Variants in CNTN4 observed in about 807,000 individuals in gnomAD.
CNTN4 encodes contactin-4.
In CNTN4, 77 loss-of-function variants were observed where a neutral mutation model predicts 122.5. That is an observed-to-expected ratio of 0.63 (90% CI 0.52 to 0.76). The LOEUF (loss-of-function observed/expected upper bound fraction) is 0.76, where lower values mean the gene tolerates loss of function less well. Among genes scored for constraint, CNTN4 ranks in the 30% least tolerant of loss-of-function variants. The pLI is 0.00. For synonymous variants in CNTN4, 512 were observed against 447.0 expected, an observed-to-expected ratio of 1.15 and a Z score of -1.83; for missense variants, 1,256 against 1,259.1, an observed-to-expected ratio of 1.00 and a Z score of 0.04.
At chr3:2,718,951 A>C (rs2087667613) in intron 4 of CNTN4, among the ~76,000 whole-genome samples, 3 of 152,302 alleles carry the variant, frequency 2.0e-5, no homozygotes, top group South Asian at 4.1e-4. Context: ...AGCCCCTGAA[A>C]TTGCATGTAC....
chr3:2,302,344 C>T (rs917103258), intron 2 of CNTN4, among the ~76,000 whole-genome samples: 61 of 152,296 alleles, frequency 4.0e-4, no homozygotes, highest in Non-Finnish European at 1.5e-4. Flanking sequence ...AGGAGAATCA[C>T]TTGAACCCAG....
chr3:2,547,463 G>A (rs1212472469), intron 3 of CNTN4, among the ~76,000 whole-genome samples: 2 of 151,794 alleles, frequency 1.3e-5, no homozygotes, highest in South Asian at 2.1e-4. Context: ...ATGGGGTTTC[G>A]CCATGTTGGC....
chr3:2,907,874 G>A (rs759800968), intron 12 of CNTN4, among the ~76,000 whole-genome samples: 43 of 152,324 alleles, frequency 2.8e-4, no homozygotes, highest in African/African-American at 1.0e-3. Flanking sequence ...CTCACTGGAT[G>A]GGCAAACGCC....
chr3:2,959,113 A>G (rs949174337), intron 13 of CNTN4, among the ~76,000 whole-genome samples: 4 of 152,226 alleles, frequency 2.6e-5, no homozygotes, highest in African/African-American at 7.2e-5. Context: ...GCTAAGTAAA[A>G]TATGTAAGCA....
intron 2 of CNTN4, among the ~76,000 whole-genome samples, chr3:2,109,884 G>GTGT (rs2032810514): frequency 6.6e-6 from 1 of 152,136 alleles, no homozygotes; most frequent in Non-Finnish European, 1.5e-5. Flanking sequence ...ATTTAATTGG[G>GTGT]TGAATGACAG....
intron 4 of CNTN4, among the ~76,000 whole-genome samples, chr3:2,625,744 C>G (rs917146753): frequency 6.6e-6 from 1 of 151,998 alleles, no homozygotes; most frequent in Non-Finnish European, 1.5e-5. Context: ...TATTGATATC[C>G]TCTCTTTTTT....
Position 2,478,055 on chromosome 3 carries a change from T to G in CNTN4, c.-88-93361T>G, listed in dbSNP as rs755118929. Among the ~76,000 whole-genome samples the G allele has an allele frequency of 2.6e-5, 4 of 152,354 alleles. No homozygotes were observed. In the East Asian group the frequency reaches 7.7e-4, roughly 29 times the overall value. On this transcript the variant is annotated intron_variant, in intron 3 of 24. Transcript: ENST00000418658. ...ATACCTTGAAATAGACTTTTAGATA[T>G]TTCCTATTTTATCTTCAATAATCTA...
intron 9 of CNTN4, among the ~76,000 whole-genome samples, chr3:2,883,714 T>A (rs779245828): frequency 1.3e-5 from 2 of 152,248 alleles, no homozygotes; most frequent in Non-Finnish European, 2.9e-5. Context: ...TTCCTTCTCC[T>A]CTGGCTAGAG....
At chr3:2,126,933 G>C (rs1394470410) in intron 2 of CNTN4, among the ~76,000 whole-genome samples, 1 of 152,202 alleles carries the variant, frequency 6.6e-6, no homozygotes, top group Non-Finnish European at 1.5e-5. Flanking sequence ...ACCTCACCTA[G>C]ATGGAGGGTG....
At chr3:2,936,526 C>G (rs757331544) in intron 13 of CNTN4, among the ~76,000 whole-genome samples, 1 of 152,162 alleles carries the variant, frequency 6.6e-6, no homozygotes, top group Non-Finnish European at 1.5e-5. Context: ...CAGTAAGGCT[C>G]TATATGCTAC....
chr3:2,388,734 A>G (rs981853368), intron 3 of CNTN4, among the ~76,000 whole-genome samples: 4 of 152,166 alleles, frequency 2.6e-5, no homozygotes, highest in African/African-American at 4.8e-5. Flanking sequence ...AATCCCAGCT[A>G]CTTGGGAGGC....
intron 13 of CNTN4, among the ~76,000 whole-genome samples, chr3:2,952,593 A>G (rs540472528): frequency 9.6e-4 from 146 of 152,340 alleles, no homozygotes; most frequent in Middle Eastern, 3.4e-3. Context: ...GATTGACAGT[A>G]TATAGTAGAT....
At chr3:2,730,158 G>C (rs894940465) in intron 4 of CNTN4, among the ~76,000 whole-genome samples, 6 of 152,028 alleles carry the variant, frequency 3.9e-5, no homozygotes, top group African/African-American at 1.5e-4. Flanking sequence ...TGGAATATTT[G>C]CATATATATA....
intron 23 of CNTN4, among the ~76,000 whole-genome samples, chr3:3,044,757 T>G (rs951358985): frequency 6.6e-6 from 1 of 152,106 alleles, no homozygotes; most frequent in Non-Finnish European, 1.5e-5. Context: ...TGTCGGACAG[T>G]GGGCGCAGGA....
intron 3 of CNTN4, among the ~76,000 whole-genome samples, chr3:2,376,516 A>G (rs1301025619): frequency 2.6e-5 from 4 of 152,200 alleles, no homozygotes; most frequent in African/African-American, 7.2e-5. Context: ...CAGTATTTCT[A>G]TATCACTAGG....
chr3:2,932,619 G>T (rs147240830), intron 13 of CNTN4, among the ~76,000 whole-genome samples: 37 of 151,974 alleles, frequency 2.4e-4, no homozygotes, highest in African/African-American at 8.9e-4. Context: ...AGTCTTAATC[G>T]GTAGAGGTTT....
chr3:2,928,895 G>T (rs17587122), intron 13 of CNTN4, among the ~76,000 whole-genome samples: 66,019 of 151,814 alleles, frequency 0.43, 14,628 homozygotes, highest in East Asian at 0.68. Context: ...TTAGCTAAGT[G>T]GATATAGATT....
At chr3:2,498,427 C>G (rs1259901843) in intron 3 of CNTN4, among the ~76,000 whole-genome samples, 1 of 152,122 alleles carries the variant, frequency 6.6e-6, no homozygotes, top group Non-Finnish European at 1.5e-5. Flanking sequence ...CCCTAGCAAG[C>G]AATATTTTCG....
intron 6 of CNTN4, among the ~76,000 whole-genome samples, chr3:2,762,620 A>G (rs1028915787): frequency 6.6e-6 from 1 of 152,164 alleles, no homozygotes; most frequent in Non-Finnish European, 1.5e-5. Context: ...TATTGTGAAT[A>G]GTACTGCAGT....
Sources: allele counts gnomAD v4.1 joint callset (sites outside exome capture counted in the v4.1 genomes callset), GRCh38; gene constraint gnomAD v4.1.1; transcripts MANE v1.5; gene names NCBI Gene and HGNC (gene_info 2026-07-23, HGNC 2026-07-21).